WDFY2: variants seen among roughly 807,000 people sequenced by gnomAD.
WDFY2 encodes WD repeat and FYVE domain-containing protein 2.
Under a neutral mutation model 56.4 loss-of-function variants are expected in WDFY2, and 36 were observed. The observed-to-expected ratio is 0.64, with a 90% confidence interval of 0.49 to 0.84. The LOEUF (loss-of-function observed/expected upper bound fraction) is 0.84. WDFY2 is among the 40% of genes least tolerant of loss of function. WDFY2 has a pLI of 0.00. For synonymous variants in WDFY2, 176 were observed against 183.7 expected (o/e 0.96, Z 0.34); for missense variants, 444 against 512.2 (o/e 0.87, Z 1.29).
intron 3 of WDFY2, among the ~76,000 whole-genome samples, chr13:51,687,954 A>G (rs1725264064): frequency 6.6e-6 from 1 of 152,184 alleles, no homozygotes; most frequent in Non-Finnish European, 1.5e-5. Flanking sequence ...ATCAAAGGCT[A>G]GGAAATGGGG....
intron 1 of WDFY2, among the ~76,000 whole-genome samples, chr13:51,635,238 C>G (rs1183593812): frequency 6.6e-6 from 1 of 152,118 alleles, no homozygotes; most frequent in African/African-American, 2.4e-5. Context: ...CTACTGCACC[C>G]CCGGCAGGAA....
chr13:51,736,346 G>A (rs1952835463), intron 6 of WDFY2, among the ~76,000 whole-genome samples: 1 of 152,168 alleles, frequency 6.6e-6, no homozygotes, highest in African/African-American at 2.4e-5. Context: ...TAAAGATAGG[G>A]CTGGGATTTA....
At chr13:51,668,460 G>C (rs1955751332) in intron 2 of WDFY2, among the ~76,000 whole-genome samples, 1 of 152,172 alleles carries the variant, frequency 6.6e-6, no homozygotes, top group Non-Finnish European at 1.5e-5. Context: ...GTTGGATTTA[G>C]ATGTAAAATA....
intron 3 of WDFY2, among the ~76,000 whole-genome samples, chr13:51,693,550 G>T (rs1286813532): frequency 2.0e-5 from 3 of 152,148 alleles, no homozygotes; most frequent in Admixed American, 6.5e-5. Flanking sequence ...CTGAGAGACA[G>T]TTTGTTATAA....
chr13:51,626,914 G>C (rs1271900773), intron 1 of WDFY2, among the ~76,000 whole-genome samples: 1 of 152,200 alleles, frequency 6.6e-6, no homozygotes, highest in Admixed American at 6.5e-5. Flanking sequence ...TGTGCTGCCA[G>C]CCCAGATCCC....
Position 51,755,408 on chromosome 13 carries a change from C to A in WDFY2, c.882C>A (p.Phe294Leu). ...CCTGCCAAAAGTGTGATCAGCCTTT[C>A]TTCTGGAACTTCAAGCAAATGTGGG... The part of the protein sequence containing the change: ...SDSCQKCDQP[F>L]FWNFKQMWDS... Residue 294 changes from phenylalanine to leucine, a missense_variant, in exon 9 of 12, where the codon TTC (phenylalanine) becomes TTA (leucine). Physicochemically the swap from Phe to Leu is conservative, Grantham distance 22 (BLOSUM62 0). Transcript: ENST00000298125. 6.2e-7 allele frequency: 1 copy of A among 1,614,180 alleles called. No individual in the cohort carries two copies. Among genetic ancestry groups the A allele is most frequent in the Non-Finnish European group, 8.5e-7 (1 of 1,180,040 alleles).
At chr13:51,759,634 T>G in intron 11 of WDFY2, 106 bp from the exon 12 acceptor site, 1 of 950,424 alleles carries the variant, frequency 1.1e-6, no homozygotes, top group Non-Finnish European at 1.7e-6. Context: ...GTATAGTATG[T>G]GGTGGTTTGT....
chr13:51,730,809 A>C (rs891120501), intron 6 of WDFY2, among the ~76,000 whole-genome samples: 1 of 152,170 alleles, frequency 6.6e-6, no homozygotes, highest in African/African-American at 2.4e-5. Flanking sequence ...GATGTGTGAG[A>C]GCATGGCTCT....
chr13:51,712,840 T>C (rs1166053639), intron 4 of WDFY2, among the ~76,000 whole-genome samples: 1 of 152,032 alleles, frequency 6.6e-6, no homozygotes, highest in Non-Finnish European at 1.5e-5. Flanking sequence ...ATATGTAATA[T>C]TATGAACAAC....
At chr13:51,712,611 G>A (rs1190056641) in intron 4 of WDFY2, among the ~76,000 whole-genome samples, 1 of 151,694 alleles carries the variant, frequency 6.6e-6, no homozygotes, top group Non-Finnish European at 1.5e-5. Context: ...AGTCTCCTAA[G>A]CAGAAAAAAG....
intron 10 of WDFY2, among the ~76,000 whole-genome samples, chr13:51,757,372 A>T (rs570945280): frequency 1.3e-5 from 2 of 152,188 alleles, no homozygotes; most frequent in East Asian, 3.8e-4. Context: ...AGGGACTTAC[A>T]GTTAAGCCTA....
intron 4 of WDFY2, among the ~76,000 whole-genome samples, chr13:51,704,477 A>G (rs1181057877): frequency 6.6e-6 from 1 of 152,224 alleles, no homozygotes; most frequent in Non-Finnish European, 1.5e-5. Context: ...TAAGCAGGCC[A>G]TTAAAACATT....
At chr13:51,748,107 C>T (rs776133421) in intron 7 of WDFY2, among the ~76,000 whole-genome samples, 5 of 152,194 alleles carry the variant, frequency 3.3e-5, no homozygotes, top group Admixed American at 1.3e-4. Flanking sequence ...ATAGAGCCCA[C>T]ATTCCACATC....
At chr13:51,752,604 G>C (rs1000172116) in intron 8 of WDFY2, among the ~76,000 whole-genome samples, 1 of 152,174 alleles carries the variant, frequency 6.6e-6, no homozygotes, top group African/African-American at 2.4e-5. Context: ...GCCTGGACCC[G>C]TTATGGACAG....
At position 51,766,357 on chromosome 13, in the gene WDFY2, A is replaced by G. The variant is rs971905018; in HGVS notation, c.*6588A>G. The G allele has an allele frequency of 1.3e-5, 2 of 152,272 alleles. No individual in the cohort carries two copies. Among genetic ancestry groups the G allele is most frequent in the Non-Finnish European group, 2.9e-5 (2 of 68,054 alleles). 9.4% of individuals were successfully genotyped at this position (152,272 alleles called of 1,614,324 possible). On this transcript the variant is annotated 3_prime_UTR_variant, in exon 12 of 12. Transcript: ENST00000298125. ...CAGGGACACGGATCTTCCATTCTCT[A>G]CATCCACCGGACTGCAGCCCAAGTC...
intron 7 of WDFY2, among the ~76,000 whole-genome samples, chr13:51,741,227 C>G (rs903114105): frequency 1.3e-5 from 2 of 152,192 alleles, no homozygotes; most frequent in African/African-American, 4.8e-5. Context: ...AGGCAGGCTG[C>G]TGAGATCAGG....
At chr13:51,750,645 C>G (rs1953211685) in intron 7 of WDFY2, among the ~76,000 whole-genome samples, 1 of 152,000 alleles carries the variant, frequency 6.6e-6, no homozygotes, top group South Asian at 2.1e-4. Context: ...AAACTAGATT[C>G]TCCATCATTT....
At chr13:51,754,620 A>G (rs907735329) in intron 8 of WDFY2, among the ~76,000 whole-genome samples, 4 of 152,198 alleles carry the variant, frequency 2.6e-5, no homozygotes, top group Non-Finnish European at 5.9e-5. Context: ...TTAGCCATTC[A>G]GACTTCCCTG....
chr13:51,700,199 G>A (rs1951954196), intron 3 of WDFY2, among the ~76,000 whole-genome samples: 1 of 152,216 alleles, frequency 6.6e-6, no homozygotes, highest in African/African-American at 2.4e-5. Context: ...ACAAGGGTGA[G>A]ATTGAAGGTG....
Sources: allele counts gnomAD v4.1 joint callset (sites outside exome capture counted in the v4.1 genomes callset), GRCh38; gene constraint gnomAD v4.1.1; transcripts MANE v1.5; gene names NCBI Gene and HGNC (gene_info 2026-07-23, HGNC 2026-07-21).